CD44: variants seen among roughly 807,000 people sequenced by gnomAD.
CD44 encodes CD44 antigen.
In CD44, 49 loss-of-function variants were observed where a neutral mutation model predicts 88.8. The observed-to-expected ratio is 0.55, with a 90% CI of 0.44 to 0.70. The LOEUF (loss-of-function observed/expected upper bound fraction) is 0.70, where lower values mean the gene tolerates loss of function less well. Among genes scored for constraint, CD44 ranks in the 30% least tolerant of loss-of-function variants. CD44 has a pLI of 0.00. For missense variants in CD44, 883 were observed against 913.8 expected, an observed-to-expected ratio of 0.97 and a Z score of 0.43; for synonymous variants, 325 against 312.3, an observed-to-expected ratio of 1.04 and a Z score of -0.43.
At chr11:35,228,339 A>G (rs1649529789) in intron 17 of CD44, among the ~76,000 whole-genome samples, 1 of 152,238 alleles carries the variant, frequency 6.6e-6, no homozygotes, top group African/African-American at 2.4e-5. Flanking sequence ...ATGTTAGGAA[A>G]ACATCACTAT....
At chr11:35,167,778 C>G (rs1388813024) in intron 1 of CD44, among the ~76,000 whole-genome samples, 1 of 152,206 alleles carries the variant, frequency 6.6e-6, no homozygotes, top group East Asian at 1.9e-4. Context: ...CTCGTAATGT[C>G]ACAAGGACAG....
chr11:35,188,633 G>C (rs1269595491), intron 4 of CD44, among the ~76,000 whole-genome samples: 1 of 151,544 alleles, frequency 6.6e-6, no homozygotes, highest in Non-Finnish European at 1.5e-5. Flanking sequence ...TTTCATTTAT[G>C]TATTATTAAT....
At chr11:35,221,463 G>C (rs949056220) in intron 16 of CD44, among the ~76,000 whole-genome samples, 191 bp from the exon 17 acceptor site, 1 of 152,206 alleles carries the variant, frequency 6.6e-6, no homozygotes, top group African/African-American at 2.4e-5. Context: ...AAGCAAGAAG[G>C]CTGTTGGACA....
intron 1 of CD44, among the ~76,000 whole-genome samples, chr11:35,156,553 G>A (rs1941892461): frequency 6.6e-6 from 1 of 152,146 alleles, no homozygotes; most frequent in Non-Finnish European, 1.5e-5. Flanking sequence ...CATGAGCCTT[G>A]TTGAGCATTA....
In CD44 at chr11:35,222,324, T is replaced by G. The variant is rs561286721; in HGVS notation, c.2024+592T>G. On this transcript the variant is annotated intron_variant, in intron 17 of 17. Transcript: ENST00000428726. ...TTTTTATTGGCCTTGTGCTTTTGTT[T>G]GTTGTTTGGTTTTTGTAATGATATC... 25 of 897,178 alleles carry G rather than the reference T, an allele frequency of 2.8e-5. No homozygotes were observed. The Admixed American group carries it at 5.9e-4, about 21-fold the overall frequency. 55.6% of individuals were successfully genotyped at this position (897,178 alleles called of 1,614,324 possible).
chr11:35,148,294 C>G (rs1430405762), intron 1 of CD44, among the ~76,000 whole-genome samples: 2 of 152,192 alleles, frequency 1.3e-5, no homozygotes, highest in African/African-American at 4.8e-5. Context: ...ACAGAGCTAA[C>G]TAAGCACCAT....
chr11:35,196,346 C>A (rs536427371), intron 5 of CD44, among the ~76,000 whole-genome samples: 3 of 152,252 alleles, frequency 2.0e-5, no homozygotes, highest in African/African-American at 7.2e-5. Flanking sequence ...AATTTGGCCT[C>A]ATGGATCCAG....
rs1945739875 is a variant in CD44 at position 35,186,930 on chromosome 11, T to C, written c.436+30T>C. 2.8e-6 allele frequency: 4 copies of C among 1,414,598 alleles called. No homozygotes were observed. The African/African-American group carries it at 5.6e-5, about 20-fold the overall frequency. 87.6% of individuals were successfully genotyped at this position (1,414,598 alleles called of 1,614,324 possible). On this transcript the variant is annotated intron_variant, in intron 4 of 17. Coordinates refer to ENST00000428726, the MANE Select transcript of CD44 (RefSeq NM_000610.4). ...GTCTCTCTTCTAATCTTAATTAAATTTTCCTATTTTGGGGAAAGGGCTCAG... is the reference window on the plus strand; with the variant it reads ...GTCTCTCTTCTAATCTTAATTAAATCTTCCTATTTTGGGGAAAGGGCTCAG...
intron 1 of CD44, 32 bp downstream of exon 1, chr11:35,139,402 T>C (rs1326623001): frequency 6.5e-7 from 1 of 1,549,722 alleles, no homozygotes; most frequent in African/African-American, 1.4e-5. Flanking sequence ...GGCAGCAAGA[T>C]GGGTGCGGGG....
chr11:35,197,770 A>T, intron 6 of CD44: 1 of 166,636 alleles, frequency 6.0e-6, no homozygotes, highest in Admixed American at 6.3e-5. Flanking sequence ...TCTGTTCTTG[A>T]TGGCTTGGCT....
At chr11:35,163,608 G>C (rs1008998194) in intron 1 of CD44, among the ~76,000 whole-genome samples, 3 of 152,168 alleles carry the variant, frequency 2.0e-5, no homozygotes, top group African/African-American at 7.2e-5. Flanking sequence ...GGTCAGCCCT[G>C]TTTAGGCTCA....
intron 7 of CD44, among the ~76,000 whole-genome samples, chr11:35,199,948 T>G (rs990213642): frequency 4.0e-5 from 6 of 149,550 alleles, no homozygotes; most frequent in South Asian, 2.1e-4. Flanking sequence ...TTTTTTTTTT[T>G]TTTTTTTTTT....
chr11:35,213,669 C>G (rs139615486), intron 14 of CD44: 1 of 152,252 alleles, frequency 6.6e-6, no homozygotes, highest in Non-Finnish European at 1.5e-5. Flanking sequence ...AGAACTGAAG[C>G]ATTTAGAATC....
At chr11:35,141,594 G>A (rs946387318) in intron 1 of CD44, among the ~76,000 whole-genome samples, 2 of 152,064 alleles carry the variant, frequency 1.3e-5, no homozygotes, top group Admixed American at 6.5e-5. Context: ...CTGTCTCCCC[G>A]TTCCTTCTAA....
Position 35,229,136 on chromosome 11 carries a change from CAGA to C in CD44, c.2037_2039del (p.Lys681del). On this transcript the variant is annotated inframe_deletion, in exon 18 of 18. Transcript: ENST00000428726. ...CATTTTTTAAATTATTAGGTGTGGG[CAGA>C]AGAAAAAGCTAGTGATCAACAGTGG... is the stretch of plus-strand genomic sequence containing the variant. 6.2e-7 allele frequency: 1 copy of C among 1,613,120 alleles called. No individual in the cohort carries two copies.
intron 1 of CD44, among the ~76,000 whole-genome samples, chr11:35,171,990 G>C (rs1346443050): frequency 1.3e-5 from 2 of 151,956 alleles, no homozygotes; most frequent in South Asian, 2.1e-4. Flanking sequence ...AGACTCTCTG[G>C]TGAAGCTTTT....
intron 11 of CD44, 25 bp from the exon 12 acceptor site, chr11:35,208,080 A>G: frequency 7.1e-7 from 1 of 1,403,468 alleles, no homozygotes; most frequent in Non-Finnish European, 1.0e-6. Flanking sequence ...AAATCAAGCA[A>G]TAACACTAAT....
At chr11:35,144,334 A>G (rs1447222369) in intron 1 of CD44, among the ~76,000 whole-genome samples, 1 of 152,214 alleles carries the variant, frequency 6.6e-6, no homozygotes, top group Non-Finnish European at 1.5e-5. Flanking sequence ...AGCAGGTGGC[A>G]GATGCTACCA....
intron 1 of CD44, among the ~76,000 whole-genome samples, chr11:35,140,015 G>A (rs1329064010): frequency 6.6e-6 from 1 of 152,246 alleles, no homozygotes; most frequent in African/African-American, 2.4e-5. Flanking sequence ...ATTCCAGCCT[G>A]GGATAGGGAG....
Sources: gnomAD v4.1 joint callset for allele counts (sites outside exome capture counted in the v4.1 genomes callset) on GRCh38, gnomAD v4.1.1 for gene constraint, MANE v1.5 for transcripts, NCBI Gene and HGNC (gene_info 2026-07-23, HGNC 2026-07-21) for gene names.